CACNG4: variants seen among roughly 807,000 people sequenced by gnomAD.
The protein encoded by CACNG4 is calcium voltage-gated channel auxiliary subunit gamma 4.
In CACNG4, 8 loss-of-function variants were observed where a neutral mutation model predicts 22.9. The observed-to-expected ratio is 0.35, with a 90% CI of 0.21 to 0.63. The LOEUF (loss-of-function observed/expected upper bound fraction) is 0.63. CACNG4 is among the 30% of genes least tolerant of loss of function. The pLI, the probability that CACNG4 is intolerant of heterozygous loss-of-function variation, is 0.72. For missense variants in CACNG4, 357 were observed against 455.4 expected (o/e 0.78, Z 1.97); for synonymous variants, 188 against 191.9 (o/e 0.98, Z 0.17).
chr17:66,994,850 G>T (rs1299042469), intron 1 of CACNG4, among the ~76,000 whole-genome samples: 1 of 152,168 alleles, frequency 6.6e-6, no homozygotes, highest in African/African-American at 2.4e-5. Context: ...GGAGTGAGAG[G>T]TCTTCCCAGG....
chr17:67,004,842 A>G (rs1342446781), intron 1 of CACNG4, among the ~76,000 whole-genome samples: 5 of 151,630 alleles, frequency 3.3e-5, no homozygotes, highest in Non-Finnish European at 5.9e-5. Flanking sequence ...TCCCACCTCA[A>G]CCTCCCACAT....
chr17:66,985,334 C>A (rs928800407), intron 1 of CACNG4, among the ~76,000 whole-genome samples: 1 of 152,142 alleles, frequency 6.6e-6, no homozygotes, highest in East Asian at 1.9e-4. Context: ...AAGCAGCATT[C>A]GAAGTGATAG....
At position 67,013,689 on chromosome 17, in the gene CACNG4, C is replaced by T. The variant is rs547245624; in HGVS notation, c.221-4500C>T. Among the ~76,000 whole-genome samples, 108 of 152,036 alleles carry T rather than the reference C, an allele frequency of 7.1e-4. No homozygotes were observed. The South Asian group carries it at 0.022, about 31-fold the overall frequency. On this transcript the variant is annotated intron_variant, in intron 1 of 3. Coordinates refer to ENST00000262138, the MANE Select transcript of CACNG4 (RefSeq NM_014405.4). Reference sequence around the variant, plus strand: ...GCTTAGTGGCATGCACCTGTAGTCCCGGCTACTTGGGAGGCTGAGGCAGGA... The same window carrying T: ...GCTTAGTGGCATGCACCTGTAGTCCTGGCTACTTGGGAGGCTGAGGCAGGA...
chr17:67,011,643 ATGAATGAATGAG>A (rs558019359), intron 1 of CACNG4, among the ~76,000 whole-genome samples: 436 of 148,152 alleles, frequency 2.9e-3, no homozygotes, highest in Middle Eastern at 0.01. Flanking sequence ...GAATGAATGA[ATGAATGAATGAG>A]TGAGATGAGT....
rs376902766 is a variant in CACNG4, at chr17:67,030,503, C to T, written c.483C>T (p.Ser161=). 7.1e-5 allele frequency: 114 copies of T among 1,614,026 alleles called. No homozygotes were observed. The highest frequency in any genetic ancestry group is 9.4e-5 in the Non-Finnish European group (111 of 1,180,036). ...TCATCGGTATCATCGTCTACATTTC[C>T]AGCAACACAGGTGACCCGAGTGACA... ...SNIIGIIVYI[S]SNTGDPSDKR... The change falls in exon 4 of 4, where the codon TCC becomes TCT. Residue 161 remains serine (S), a synonymous_variant. Coordinates refer to ENST00000262138, the MANE Select transcript of CACNG4 (RefSeq NM_014405.4). The surrounding 1 kb of genome is among the most constrained non-coding windows in gnomAD (Gnocchi z 6.4).
At chr17:67,010,452 T>C (rs73339163) in intron 1 of CACNG4, among the ~76,000 whole-genome samples, 3,301 of 152,228 alleles carry the variant, frequency 0.022, 117 homozygotes, top group African/African-American at 0.076. Flanking sequence ...GCAGCCTGGG[T>C]TCAGATCCCA....
intron 3 of CACNG4, among the ~76,000 whole-genome samples, chr17:67,026,633 GTGTC>G (rs760534319): frequency 2.2e-4 from 33 of 151,268 alleles, no homozygotes; most frequent in Admixed American, 3.3e-4. Context: ...TGGTGTGTGT[GTGTC>G]TGAGACGTGT....
At chr17:67,009,688 G>T (rs997074032) in intron 1 of CACNG4, among the ~76,000 whole-genome samples, 5 of 152,186 alleles carry the variant, frequency 3.3e-5, no homozygotes, top group African/African-American at 9.7e-5. Context: ...CAAGGCGCCA[G>T]CAGATTTGGT....
At chr17:67,004,823 A>T (rs1225517320) in intron 1 of CACNG4, among the ~76,000 whole-genome samples, 2 of 152,166 alleles carry the variant, frequency 1.3e-5, no homozygotes, top group Non-Finnish European at 2.9e-5. Context: ...TCCCAGGCTC[A>T]GTTGATTCTC....
chr17:67,019,185 C>T (rs1197558684), intron 2 of CACNG4, among the ~76,000 whole-genome samples: 1 of 152,138 alleles, frequency 6.6e-6, no homozygotes, highest in Non-Finnish European at 1.5e-5. Flanking sequence ...TCACTCTGCA[C>T]CTGCTTATGG....
chr17:67,016,715 C>T lies in CACNG4; in HGVS notation c.221-1474C>T, dbSNP rs559379977. 1.1e-4 allele frequency among the ~76,000 whole-genome samples: 16 copies of T among 152,268 alleles called. No individual in the cohort carries two copies. The East Asian group carries it at 2.1e-3, about 20-fold the overall frequency. ...GGCTGCAGGAGCAGGGGGGCTGACC[C>T]GGGGGAAGGGGTTGTCTGACATGGA... On this transcript the variant is annotated intron_variant, in intron 1 of 3. Coordinates refer to ENST00000262138, the MANE Select transcript of CACNG4 (RefSeq NM_014405.4).
intron 1 of CACNG4, among the ~76,000 whole-genome samples, chr17:67,014,962 A>C (rs1488500225): frequency 1.3e-5 from 2 of 151,170 alleles, no homozygotes; most frequent in Non-Finnish European, 2.9e-5. Context: ...AAAAAAAAGA[A>C]AGAAAGAAAG....
intron 3 of CACNG4, among the ~76,000 whole-genome samples, chr17:67,026,781 G>A (rs1179888747): frequency 1.3e-5 from 2 of 151,898 alleles, no homozygotes; most frequent in Non-Finnish European, 2.9e-5. Flanking sequence ...GAGGAGTGTG[G>A]TGTGTGTGTG....
At chr17:67,001,127 G>A (rs1047385284) in intron 1 of CACNG4, among the ~76,000 whole-genome samples, 6 of 151,908 alleles carry the variant, frequency 3.9e-5, no homozygotes, top group Non-Finnish European at 5.9e-5. Context: ...TTTTATAAAG[G>A]GCAGTTCCCC....
chr17:67,010,585 T>C (rs918877280), intron 1 of CACNG4, among the ~76,000 whole-genome samples: 4 of 152,160 alleles, frequency 2.6e-5, no homozygotes, highest in African/African-American at 9.7e-5. Flanking sequence ...CTAAGTACAG[T>C]AAATATTTGC....
At chr17:67,024,399 C>G (rs372825772) in intron 2 of CACNG4, among the ~76,000 whole-genome samples, 1 of 152,236 alleles carries the variant, frequency 6.6e-6, no homozygotes, top group Non-Finnish European at 1.5e-5. Flanking sequence ...GCAGGGCCCA[C>G]GCCCAGACCC....
At chr17:66,992,770 C>T (rs1365975585) in intron 1 of CACNG4, among the ~76,000 whole-genome samples, 2 of 152,272 alleles carry the variant, frequency 1.3e-5, no homozygotes, top group African/African-American at 4.8e-5. Context: ...ACTTCCCAGA[C>T]ACTAAAGCAT....
intron 1 of CACNG4, among the ~76,000 whole-genome samples, chr17:67,011,413 C>G (rs1434942675): frequency 3.9e-5 from 6 of 152,194 alleles, no homozygotes; most frequent in Non-Finnish European, 8.8e-5. Flanking sequence ...GAGTCCACAG[C>G]CTAACACGCC....
chr17:67,005,389 A>G (rs1405753458), intron 1 of CACNG4, among the ~76,000 whole-genome samples: 3 of 152,186 alleles, frequency 2.0e-5, no homozygotes, highest in African/African-American at 7.2e-5. Context: ...TCAGAACCTC[A>G]GTATGGGTGT....
Sources: gnomAD v4.1 joint callset for allele counts (sites outside exome capture counted in the v4.1 genomes callset) on GRCh38, gnomAD v4.1.1 for gene constraint, Gnocchi (gnomAD v3.1) non-coding constraint, MANE v1.5 for transcripts, NCBI Gene and HGNC (gene_info 2026-07-23, HGNC 2026-07-21) for gene names.